The following TRAPPC9 variants were observed in gnomAD, a reference collection of about 807,000 sequenced individuals.
The protein encoded by TRAPPC9 is trafficking protein particle complex subunit 9.
TRAPPC9 carries 83 observed loss-of-function variants against 124.0 expected under a neutral mutation model. The observed-to-expected ratio is 0.67, with a 90% CI of 0.56 to 0.80. The LOEUF (loss-of-function observed/expected upper bound fraction) is 0.80, where lower values mean the gene tolerates loss of function less well. TRAPPC9 is among the 30% of genes least tolerant of loss of function. TRAPPC9 has a pLI of 0.00. For missense variants in TRAPPC9, 1,302 were observed against 1,508.3 expected (o/e 0.86, Z 2.27); for synonymous variants, 638 against 617.5 (o/e 1.03, Z -0.49).
At chr8:140,223,702 A>G (rs1031431395) in intron 16 of TRAPPC9, among the ~76,000 whole-genome samples, 23 of 152,302 alleles carry the variant, frequency 1.5e-4, no homozygotes, top group East Asian at 5.8e-4. Flanking sequence ...CTTTGCAAAA[A>G]TATGCAATTA....
intron 17 of TRAPPC9, among the ~76,000 whole-genome samples, chr8:140,037,876 T>TACACACATAC (rs1841009774): frequency 1.3e-4 from 8 of 63,252 alleles, no homozygotes; most frequent in African/African-American, 4.6e-4. Context: ...AACACACACC[T>TACACACATAC]CCAACACACA....
intron 17 of TRAPPC9, among the ~76,000 whole-genome samples, chr8:140,204,885 T>C (rs755948540): frequency 1.2e-4 from 19 of 152,220 alleles, no homozygotes; most frequent in Non-Finnish European, 2.6e-4. Context: ...GAGAAAAAGA[T>C]CACTGGATTT....
intron 19 of TRAPPC9, among the ~76,000 whole-genome samples, chr8:139,957,434 A>C (rs1207671347): frequency 6.6e-6 from 1 of 152,222 alleles, no homozygotes; most frequent in Non-Finnish European, 1.5e-5. Context: ...AGGACTCTGG[A>C]GTCAGAGAGA....
chr8:139,750,287 C>A (rs1437583880), intron 21 of TRAPPC9, among the ~76,000 whole-genome samples: 1 of 152,206 alleles, frequency 6.6e-6, no homozygotes, highest in African/African-American at 2.4e-5. Flanking sequence ...TCCATTATGG[C>A]AGCCACCCTG....
chr8:140,267,393 C>T (rs2064712267), intron 15 of TRAPPC9, among the ~76,000 whole-genome samples: 1 of 152,222 alleles, frequency 6.6e-6, no homozygotes, highest in Non-Finnish European at 1.5e-5. Context: ...GAGCTTTCCC[C>T]ATCCTGCGTT....
At chr8:139,991,769 C>A (rs979830567) in intron 18 of TRAPPC9, among the ~76,000 whole-genome samples, 1 of 152,018 alleles carries the variant, frequency 6.6e-6, no homozygotes, top group Non-Finnish European at 1.5e-5. Context: ...AATCTGTAGT[C>A]AGGTTGAGTG....
chr8:139,773,915 T>C (rs1255970436), intron 21 of TRAPPC9, among the ~76,000 whole-genome samples: 1 of 152,156 alleles, frequency 6.6e-6, no homozygotes, highest in Non-Finnish European at 1.5e-5. Context: ...GCATGTTCAG[T>C]GGAGAAGTCA....
chr8:140,311,271 G>A lies in TRAPPC9; in HGVS notation c.1599C>T (p.Pro533=). ...ACCTGACGATGGGAAGCTTGGTGAA[G>A]GGCACCGGTGGCAGGGTGAGGCCGC... ...LPGGLTLPPV[P]FTKLPIVRHV... is the part of the protein sequence containing the mutation. Residue 533 remains proline, a synonymous_variant, in exon 10 of 23, where the codon CCC becomes CCT. Transcript: ENST00000438773. 6.2e-7 allele frequency: 1 copy of A among 1,612,546 alleles called. No homozygotes were observed. Among genetic ancestry groups the A allele is most frequent in the Admixed American group, 1.7e-5 (1 of 60,030 alleles).
At chr8:139,876,280 C>T (rs747163199) in intron 21 of TRAPPC9, among the ~76,000 whole-genome samples, 5 of 152,218 alleles carry the variant, frequency 3.3e-5, no homozygotes, top group Non-Finnish European at 7.3e-5. Flanking sequence ...GACTCCTGAA[C>T]GGAGCTGGCT....
chr8:140,094,353 G>A (rs1217090967), intron 17 of TRAPPC9, among the ~76,000 whole-genome samples: 2 of 152,204 alleles, frequency 1.3e-5, no homozygotes, highest in Admixed American at 6.5e-5. Flanking sequence ...TAGACAGCCT[G>A]TGGGTGTGGC....
intron 17 of TRAPPC9, among the ~76,000 whole-genome samples, chr8:140,073,704 A>G (rs1421012925): frequency 1.3e-5 from 2 of 152,184 alleles, no homozygotes; most frequent in East Asian, 3.8e-4. Context: ...ACTGAAGCTC[A>G]TTATCATCAT....
intron 21 of TRAPPC9, among the ~76,000 whole-genome samples, chr8:139,856,432 C>T (rs1238667046): frequency 6.6e-6 from 1 of 152,174 alleles, no homozygotes; most frequent in Non-Finnish European, 1.5e-5. Flanking sequence ...TGCCCTCCCC[C>T]TCTGGGACCG....
At position 139,925,136 on chromosome 8, in the gene TRAPPC9, A is replaced by C. The variant is rs577240513; in HGVS notation, c.2811-14836T>G. The stretch of plus-strand genomic sequence containing the variant: ...GTAAAACAAAAGCAGCAGAATGTGG[A>C]GGAGTCGACACATGGAATGAGCTCG... On this transcript the variant is annotated intron_variant, in intron 19 of 22. Transcript: ENST00000438773. Among the ~76,000 whole-genome samples the C allele has an allele frequency of 2.1e-3, 314 of 152,346 alleles. 2 individuals are homozygous for C. Among genetic ancestry groups the C allele is most frequent in the Non-Finnish European group, 3.1e-3 (210 of 68,028 alleles).
intron 5 of TRAPPC9, among the ~76,000 whole-genome samples, chr8:140,425,522 T>C (rs1588332452): frequency 6.6e-6 from 1 of 152,222 alleles, no homozygotes; most frequent in Admixed American, 6.5e-5. Context: ...CTTTTTAAAA[T>C]GCCTTATCTC....
rs139937803 is a variant in TRAPPC9 at position 139,853,822 on chromosome 8, T to C, written c.3055+32057A>G. 5.4e-4 allele frequency among the ~76,000 whole-genome samples: 82 copies of C among 152,260 alleles called. 1 individual carries two copies. The East Asian group carries it at 0.015, about 29-fold the overall frequency. ...ATGGACAAGGGCCTGAGAGCCAAGG[T>C]AGGGTATCTTTACAAAGGAAGCGAA... On this transcript the variant is annotated intron_variant, in intron 21 of 22. Transcript: ENST00000438773.
chr8:139,747,419 C>A (rs558890557), intron 21 of TRAPPC9, among the ~76,000 whole-genome samples: 6 of 150,256 alleles, frequency 4.0e-5, no homozygotes, highest in Non-Finnish European at 8.9e-5. Context: ...GTGCAGGTGT[C>A]AGAGTGGGTG....
intron 2 of TRAPPC9, among the ~76,000 whole-genome samples, chr8:140,443,351 G>A (rs1167043663): frequency 6.6e-6 from 1 of 151,534 alleles, no homozygotes; most frequent in Non-Finnish European, 1.5e-5. Flanking sequence ...CAGGAGAATG[G>A]TGTGAACCCG....
At chr8:140,126,709 G>T (rs1234425648) in intron 17 of TRAPPC9, among the ~76,000 whole-genome samples, 1 of 152,188 alleles carries the variant, frequency 6.6e-6, no homozygotes, top group Non-Finnish European at 1.5e-5. Flanking sequence ...GCGAGAAGTA[G>T]CTCAGTCTGG....
Position 140,201,921 on chromosome 8 carries a change from G to A in TRAPPC9, c.2556+19538C>T, listed in dbSNP as rs1187650188. 2.6e-5 allele frequency among the ~76,000 whole-genome samples: 4 copies of A among 152,128 alleles called. No individual in the cohort carries two copies. The East Asian group carries it at 7.7e-4, about 29-fold the overall frequency. On this transcript the variant is annotated intron_variant, in intron 17 of 22. Coordinates refer to ENST00000438773, the MANE Select transcript of TRAPPC9 (RefSeq NM_001160372.4). ...AGCTGGCCCTGGTATGTCAGGCTCA[G>A]CTCTGACATACCATCAGAGCTATGG...
Sources: gnomAD v4.1 joint callset for allele counts (sites outside exome capture counted in the v4.1 genomes callset) on GRCh38, gnomAD v4.1.1 for gene constraint, MANE v1.5 for transcripts, NCBI Gene and HGNC (gene_info 2026-07-23, HGNC 2026-07-21) for gene names.